PDE4B: variants seen among roughly 807,000 people sequenced by gnomAD.
PDE4B encodes 3',5'-cyclic-AMP phosphodiesterase 4B.
In PDE4B, 20 loss-of-function variants were observed where a neutral mutation model predicts 82.2. That is an observed-to-expected ratio of 0.24 (90% CI 0.17 to 0.35). The LOEUF is 0.35. PDE4B is among the 10% of genes least tolerant of loss of function. PDE4B has a pLI of 1.00. For synonymous variants in PDE4B, 320 were observed against 318.9 expected, an observed-to-expected ratio of 1.00 and a Z score of -0.04; for missense variants, 655 against 907.2, an observed-to-expected ratio of 0.72 and a Z score of 3.57.
chr1:66,309,916 A>G (rs1275146215), intron 7 of PDE4B, among the ~76,000 whole-genome samples: 1 of 152,172 alleles, frequency 6.6e-6, no homozygotes, highest in East Asian at 1.9e-4. Flanking sequence ...TACAAGGCAA[A>G]CATTGACGTC....
At chr1:66,258,108 A>G (rs994134459) in intron 6 of PDE4B, among the ~76,000 whole-genome samples, 1 of 152,196 alleles carries the variant, frequency 6.6e-6, no homozygotes, top group African/African-American at 2.4e-5. Flanking sequence ...GTAGAAATTC[A>G]CAAATGAAAG....
At chr1:66,284,683 G>T (rs1030760213) in intron 7 of PDE4B, among the ~76,000 whole-genome samples, 2 of 152,068 alleles carry the variant, frequency 1.3e-5, no homozygotes, top group Admixed American at 1.3e-4. Context: ...AATAAAGTAT[G>T]CAGATGAAAA....
intron 2 of PDE4B, among the ~76,000 whole-genome samples, chr1:65,914,006 C>T (rs1351736482): frequency 6.6e-6 from 1 of 152,088 alleles, no homozygotes; most frequent in African/African-American, 2.4e-5. Flanking sequence ...GATCTTGGTC[C>T]TTAATTATCT....
intron 3 of PDE4B, among the ~76,000 whole-genome samples, chr1:66,022,336 C>T (rs1431779046): frequency 6.6e-6 from 1 of 152,130 alleles, no homozygotes; most frequent in Non-Finnish European, 1.5e-5. Flanking sequence ...CCAGAACTTC[C>T]AACACTGTTG....
At chr1:66,067,147 A>AAG (rs1655894812) in intron 3 of PDE4B, among the ~76,000 whole-genome samples, 1 of 152,100 alleles carries the variant, frequency 6.6e-6, no homozygotes, top group African/African-American at 2.4e-5. Context: ...TGCAGTAAAC[A>AAG]TACGTGTGCA....
chr1:66,087,190 T>C (rs1043459422), intron 3 of PDE4B, among the ~76,000 whole-genome samples: 9 of 152,268 alleles, frequency 5.9e-5, no homozygotes, highest in African/African-American at 9.6e-5. Flanking sequence ...GAAAGGGCAG[T>C]CAATGGCAAG....
At chr1:65,841,548 G>A (rs560700796) in intron 1 of PDE4B, among the ~76,000 whole-genome samples, 3 of 152,170 alleles carry the variant, frequency 2.0e-5, no homozygotes, top group Non-Finnish European at 2.9e-5. Context: ...GGCCAAAAAC[G>A]GGTTATGAAC....
intron 1 of PDE4B, among the ~76,000 whole-genome samples, chr1:65,887,301 T>TTCCCTCCC (rs1274884679): frequency 8.2e-6 from 1 of 121,430 alleles, no homozygotes; most frequent in Non-Finnish European, 1.7e-5. Context: ...CTCTCTCTCT[T>TTCCCTCCC]TCCCTCCCTC....
intron 3 of PDE4B, among the ~76,000 whole-genome samples, chr1:66,081,206 T>C (rs1260288194): frequency 6.6e-6 from 1 of 152,116 alleles, no homozygotes; most frequent in Admixed American, 6.6e-5. Flanking sequence ...TGTTTAGTCA[T>C]AAGAGATAAG....
intron 7 of PDE4B, among the ~76,000 whole-genome samples, chr1:66,300,820 G>C (rs543911922): frequency 1.2e-4 from 18 of 152,260 alleles, no homozygotes; most frequent in African/African-American, 4.1e-4. Flanking sequence ...ACTGCTGGCC[G>C]TATGCAGTCC....
chr1:65,864,459 A>C (rs1002299584), intron 1 of PDE4B, among the ~76,000 whole-genome samples: 7 of 152,124 alleles, frequency 4.6e-5, no homozygotes, highest in Non-Finnish European at 7.4e-5. Flanking sequence ...TGGAATTTTC[A>C]GCATTTTTGC....
intron 3 of PDE4B, among the ~76,000 whole-genome samples, chr1:66,186,545 C>A (rs935425031): frequency 3.3e-5 from 5 of 152,048 alleles, no homozygotes; most frequent in Admixed American, 3.3e-4. Flanking sequence ...TGAAGAGGTC[C>A]TTCACGTCCC....
At chr1:66,278,524 T>G (rs1656058322) in intron 7 of PDE4B, among the ~76,000 whole-genome samples, 1 of 152,204 alleles carries the variant, frequency 6.6e-6, no homozygotes, top group African/African-American at 2.4e-5. Context: ...ATTTGCTGCC[T>G]TTGGAAGGAC....
chr1:66,126,050 C>G (rs1431602022), intron 3 of PDE4B, among the ~76,000 whole-genome samples: 1 of 152,186 alleles, frequency 6.6e-6, no homozygotes, highest in Admixed American at 6.5e-5. Flanking sequence ...AGGTGATCCA[C>G]CCACCTCGGC....
At chr1:66,107,859 A>T (rs1003892740) in intron 3 of PDE4B, among the ~76,000 whole-genome samples, 1 of 152,026 alleles carries the variant, frequency 6.6e-6, no homozygotes, top group Non-Finnish European at 1.5e-5. Flanking sequence ...ATTGATGCCA[A>T]GTATATGTCA....
intron 7 of PDE4B, among the ~76,000 whole-genome samples, chr1:66,296,448 G>A (rs1657520226): frequency 6.6e-6 from 1 of 152,186 alleles, no homozygotes; most frequent in Admixed American, 6.6e-5. Flanking sequence ...GCCAATAGGA[G>A]ATAATGTAGC....
chr1:65,819,499 G>GTTTTTTTTTTTT (rs11438074), intron 1 of PDE4B, among the ~76,000 whole-genome samples: 3 of 145,404 alleles, frequency 2.1e-5, no homozygotes, highest in African/African-American at 7.8e-5. Flanking sequence ...GTTTGTTTTT[G>GTTTTTTTTTTTT]TTTTGTTTTT....
intron 3 of PDE4B, among the ~76,000 whole-genome samples, chr1:66,184,657 A>T (rs1002510081): frequency 2.7e-4 from 41 of 152,202 alleles, no homozygotes; most frequent in Non-Finnish European, 4.4e-5. Context: ...CTTCACATGG[A>T]TACCACATAG....
intron 3 of PDE4B, among the ~76,000 whole-genome samples, chr1:65,967,200 C>A (rs1649881022): frequency 6.6e-6 from 1 of 152,010 alleles, no homozygotes; most frequent in South Asian, 2.1e-4. Context: ...AGAAAAAAAA[C>A]AATCCCATCA....
Sources: allele counts gnomAD v4.1 joint callset (sites outside exome capture counted in the v4.1 genomes callset), GRCh38; gene constraint gnomAD v4.1.1; transcripts MANE v1.5; gene names NCBI Gene and HGNC (gene_info 2026-07-23, HGNC 2026-07-21).